The following PTPRD variants were observed in gnomAD, a reference collection of about 807,000 sequenced individuals.
PTPRD encodes the protein protein tyrosine phosphatase receptor type D, also known as receptor-type tyrosine-protein phosphatase delta.
Under a neutral mutation model 214.5 loss-of-function variants are expected in PTPRD, and 34 were observed. That is an observed-to-expected ratio of 0.16 (90% confidence interval 0.12 to 0.21). PTPRD has a LOEUF of 0.21. Ranked by LOEUF, PTPRD falls within the 10% of genes least tolerant of loss-of-function variation. The probability of loss-of-function intolerance (pLI) is 1.00; values close to 1 mark genes in which losing one functional copy is unlikely to be tolerated. For synonymous variants in PTPRD, 1,128 were observed against 845.7 expected (o/e 1.33, Z -5.79); for missense variants, 2,545 against 2,398.7 (o/e 1.06, Z -1.27).
chr9:9,367,094 T>C lies in PTPRD; in HGVS notation c.-203+30355A>G, dbSNP rs532989601. ...CCTTTGTCCCACAGAAAATGAGTTTTTGATTTATAAATGAAGAAAGCTAAT... is the reference window on the plus strand; with the variant it reads ...CCTTTGTCCCACAGAAAATGAGTTTCTGATTTATAAATGAAGAAAGCTAAT... On this transcript the variant is annotated intron_variant, in intron 9 of 45. Transcript: ENST00000381196. Among the ~76,000 whole-genome samples the C allele has an allele frequency of 4.0e-5, 6 of 151,692 alleles. No homozygotes were observed. In the East Asian group the frequency reaches 9.7e-4, roughly 25 times the overall value.
At chr9:9,232,830 T>A (rs1226036884) in intron 9 of PTPRD, among the ~76,000 whole-genome samples, 1 of 152,088 alleles carries the variant, frequency 6.6e-6, no homozygotes, top group Non-Finnish European at 1.5e-5. Flanking sequence ...CCTTCTGACA[T>A]TCTTCTTGAA....
At chr9:9,866,770 T>C (rs2064065910) in intron 5 of PTPRD, among the ~76,000 whole-genome samples, 1 of 152,162 alleles carries the variant, frequency 6.6e-6, no homozygotes, top group South Asian at 2.1e-4. Context: ...CAAAATATGT[T>C]ATATTTATAA....
At chr9:9,186,422 C>G (rs963057307) in intron 9 of PTPRD, among the ~76,000 whole-genome samples, 2 of 151,984 alleles carry the variant, frequency 1.3e-5, no homozygotes, top group Non-Finnish European at 2.9e-5. Context: ...GAAGCCTGGG[C>G]AACATCATAA....
At chr9:9,534,299 G>A (rs947907642) in intron 8 of PTPRD, among the ~76,000 whole-genome samples, 1 of 151,946 alleles carries the variant, frequency 6.6e-6, no homozygotes, top group African/African-American at 2.4e-5. Flanking sequence ...AAAGAATGAG[G>A]ACACAGTAGT....
chr9:8,629,394 G>C (rs1477849294), intron 14 of PTPRD, among the ~76,000 whole-genome samples: 2 of 151,804 alleles, frequency 1.3e-5, no homozygotes, highest in Non-Finnish European at 2.9e-5. Flanking sequence ...GCATAAATTT[G>C]TATTACATGG....
chr9:8,526,663 T>C lies in PTPRD; in HGVS notation c.551-19A>G. 1 of 1,574,002 alleles carries C rather than the reference T, an allele frequency of 6.4e-7. No homozygotes were observed. The highest frequency in any genetic ancestry group is 8.6e-7 in the Non-Finnish European group (1 of 1,156,986). On this transcript the variant is annotated intron_variant, in intron 16 of 45. Transcript: ENST00000381196. ...GTACCACCTGGGTGGATAATATGAATGCAAATAAGATTAGAAAGAAGAAGC... is the reference window on the plus strand; with the variant it reads ...GTACCACCTGGGTGGATAATATGAACGCAAATAAGATTAGAAAGAAGAAGC...
intron 5 of PTPRD, among the ~76,000 whole-genome samples, chr9:9,883,360 C>G (rs2069509325): frequency 2.0e-5 from 3 of 152,032 alleles, no homozygotes; most frequent in African/African-American, 4.8e-5. Flanking sequence ...ATAAGTAGAA[C>G]AGGCTGTAGG....
intron 3 of PTPRD, among the ~76,000 whole-genome samples, chr9:10,327,536 A>G (rs915059765): frequency 1.3e-5 from 2 of 151,602 alleles, no homozygotes; most frequent in African/African-American, 4.8e-5. Flanking sequence ...AATATTCTAT[A>G]TTATATCATT....
At chr9:8,569,254 G>A (rs531604520) in intron 14 of PTPRD, among the ~76,000 whole-genome samples, 3 of 152,158 alleles carry the variant, frequency 2.0e-5, no homozygotes, top group African/African-American at 7.2e-5. Flanking sequence ...TTATGCTAGT[G>A]GTTACAGAAA....
intron 2 of PTPRD, among the ~76,000 whole-genome samples, chr9:10,487,187 T>C (rs192436738): frequency 5.7e-4 from 87 of 152,276 alleles, no homozygotes; most frequent in Admixed American, 5.2e-3. Flanking sequence ...ATGGGTACCC[T>C]TATAGGTGAA....
intron 3 of PTPRD, among the ~76,000 whole-genome samples, chr9:10,248,605 A>G (rs2092459916): frequency 6.6e-6 from 1 of 152,052 alleles, no homozygotes; most frequent in Non-Finnish European, 1.5e-5. Flanking sequence ...AAGCAAAATA[A>G]AAGTTTCCGT....
chr9:9,364,945 G>T (rs1478705061), intron 9 of PTPRD, among the ~76,000 whole-genome samples: 1 of 151,362 alleles, frequency 6.6e-6, no homozygotes, highest in African/African-American at 2.4e-5. Context: ...AGCAGAGAAG[G>T]GTGTAGGATA....
At chr9:10,106,644 C>G (rs1486634836) in intron 3 of PTPRD, among the ~76,000 whole-genome samples, 1 of 151,526 alleles carries the variant, frequency 6.6e-6, no homozygotes, top group Non-Finnish European at 1.5e-5. Flanking sequence ...ATAGAATCAA[C>G]ATCATCAGAA....
At chr9:9,207,547 G>A (rs1310437513) in intron 9 of PTPRD, among the ~76,000 whole-genome samples, 2 of 152,136 alleles carry the variant, frequency 1.3e-5, no homozygotes, top group African/African-American at 4.8e-5. Context: ...TACAATGCTG[G>A]TCGAGCTTTG....
At chr9:9,037,062 A>G (rs767512674) in intron 10 of PTPRD, among the ~76,000 whole-genome samples, 4 of 152,178 alleles carry the variant, frequency 2.6e-5, no homozygotes, top group Non-Finnish European at 5.9e-5. Flanking sequence ...CATCTACACA[A>G]TGGTATGTCC....
intron 2 of PTPRD, among the ~76,000 whole-genome samples, chr9:10,482,144 GGAGA>G (rs1274669741): frequency 5.9e-5 from 9 of 152,142 alleles, no homozygotes; most frequent in African/African-American, 1.7e-4. Context: ...GGCCCAGGCG[GGAGA>G]ATCACGAGGT....
At chr9:9,808,950 ATT>A (rs59065058) in intron 5 of PTPRD, among the ~76,000 whole-genome samples, 1,885 of 142,264 alleles carry the variant, frequency 0.013, 27 homozygotes, top group African/African-American at 0.043. Context: ...TTTATTTTGT[ATT>A]TTTTTTTTTT....
At chr9:8,654,261 G>A (rs2096867809) in intron 12 of PTPRD, among the ~76,000 whole-genome samples, 1 of 152,000 alleles carries the variant, frequency 6.6e-6, no homozygotes, top group South Asian at 2.1e-4. Flanking sequence ...CCCCTACTTG[G>A]TACTGCTCTA....
chr9:8,378,635 G>A (rs973427966), intron 37 of PTPRD, among the ~76,000 whole-genome samples: 9 of 151,856 alleles, frequency 5.9e-5, no homozygotes, highest in East Asian at 3.9e-4. Flanking sequence ...CAACCCTTTC[G>A]GTTTAAAATA....
Sources: gnomAD v4.1 joint callset for allele counts (sites outside exome capture counted in the v4.1 genomes callset) on GRCh38, gnomAD v4.1.1 for gene constraint, MANE v1.5 for transcripts, NCBI Gene and HGNC (gene_info 2026-07-23, HGNC 2026-07-21) for gene names.